The following EXT1 variants were observed in gnomAD, a reference collection of about 807,000 sequenced individuals.
EXT1 encodes exostosin glycosyltransferase 1, also known as exostosin-1.
Under a neutral mutation model 82.5 loss-of-function variants are expected in EXT1, and 20 were observed. The ratio of observed to expected loss-of-function variants is 0.24; its 90% confidence interval spans 0.17 to 0.35. EXT1 has a LOEUF of 0.35. EXT1 is among the 10% of genes least tolerant of loss of function. The pLI, the probability that EXT1 is intolerant of heterozygous loss-of-function variation, is 1.00. For synonymous variants in EXT1, 348 were observed against 350.8 expected (o/e 0.99, Z 0.09); for missense variants, 757 against 936.5 (o/e 0.81, Z 2.50).
chr8:117,864,206 A>G (rs1297443184), intron 1 of EXT1, among the ~76,000 whole-genome samples: 1 of 152,254 alleles, frequency 6.6e-6, no homozygotes, highest in Non-Finnish European at 1.5e-5. Context: ...AAAATTTTTA[A>G]AAAGACTTCA....
chr8:117,936,943 T>C (rs1814176550), intron 1 of EXT1, among the ~76,000 whole-genome samples: 1 of 152,150 alleles, frequency 6.6e-6, no homozygotes, highest in South Asian at 2.1e-4. Context: ...GAATGTCTTC[T>C]AGATGTGGCC....
chr8:117,944,370 G>A (rs1814345510), intron 1 of EXT1, among the ~76,000 whole-genome samples: 1 of 152,172 alleles, frequency 6.6e-6, no homozygotes, highest in African/African-American at 2.4e-5. Flanking sequence ...CTGTACTCCA[G>A]CCTGAGCAAC....
At chr8:118,088,679 C>A (rs901292573) in intron 1 of EXT1, among the ~76,000 whole-genome samples, 48 of 113,464 alleles carry the variant, frequency 4.2e-4, no homozygotes, top group African/African-American at 1.2e-3. Context: ...AATGTGATGC[C>A]TTCTCTTTTT....
intron 1 of EXT1, among the ~76,000 whole-genome samples, chr8:117,994,119 T>C (rs1563623702): frequency 6.6e-6 from 1 of 152,202 alleles, no homozygotes; most frequent in Non-Finnish European, 1.5e-5. Flanking sequence ...TAAATTTAAA[T>C]TTAATTGAAT....
At chr8:117,851,079 C>T (rs1023172797) in intron 1 of EXT1, among the ~76,000 whole-genome samples, 1 of 152,192 alleles carries the variant, frequency 6.6e-6, no homozygotes, top group African/African-American at 2.4e-5. Flanking sequence ...GGGATACTTT[C>T]CTATCTTATG....
chr8:118,110,029 C>A, intron 1 of EXT1, 56 bp downstream of exon 1: 1 of 1,611,950 alleles, frequency 6.2e-7, no homozygotes, highest in Non-Finnish European at 8.5e-7. Flanking sequence ...ACACCTGGAC[C>A]AAGGCCGGCA....
intron 1 of EXT1, among the ~76,000 whole-genome samples, chr8:117,845,827 T>C (rs1256776548): frequency 1.3e-5 from 2 of 152,084 alleles, no homozygotes; most frequent in Non-Finnish European, 2.9e-5. Context: ...AGCTGCACAA[T>C]CTGTAATCTT....
intron 4 of EXT1, among the ~76,000 whole-genome samples, chr8:117,826,806 T>TTAA (rs1812014848): frequency 6.6e-6 from 1 of 150,954 alleles, no homozygotes; most frequent in African/African-American, 2.4e-5. Context: ...ACTGTGTTGC[T>TTAA]AAAAAAAAAT....
chr8:118,089,187 C>T (rs1018736049), intron 1 of EXT1, among the ~76,000 whole-genome samples: 5 of 152,190 alleles, frequency 3.3e-5, no homozygotes, highest in East Asian at 1.9e-4. Flanking sequence ...AGAAAATAAG[C>T]ATTTAAATTA....
In EXT1 at chr8:117,999,934, G is replaced by GTA. The variant is rs147547390; in HGVS notation, c.962+110149_962+110150dup. 5.4e-3 allele frequency among the ~76,000 whole-genome samples: 807 copies of GTA among 148,748 alleles called. 10 individuals carry two copies. Among genetic ancestry groups the GTA allele is most frequent in the East Asian group, 0.042 (215 of 5,114 alleles). ...GATTTTTCACTACTTATTTCTGAGT[G>GTA]TATATATATATATATGTATGTGCGT... is the stretch of plus-strand genomic sequence containing the variant. On this transcript the variant is annotated intron_variant, in intron 1 of 10. Coordinates refer to ENST00000378204, the MANE Select transcript of EXT1 (RefSeq NM_000127.3).
intron 1 of EXT1, among the ~76,000 whole-genome samples, chr8:117,846,559 G>C (rs541869931): frequency 6.6e-6 from 1 of 152,312 alleles, no homozygotes; most frequent in East Asian, 1.9e-4. Context: ...TGGCAGGGAG[G>C]GGGTGCAGGG....
At chr8:117,968,855 CACTGTGCCCAGCCA>C (rs1405721964) in intron 1 of EXT1, among the ~76,000 whole-genome samples, 2 of 64,546 alleles carry the variant, frequency 3.1e-5, no homozygotes, top group African/African-American at 2.6e-4. Context: ...AGGCGTGAGC[CACTGTGCCCAGCCA>C]ATTCTGCCTT....
At chr8:117,865,509 C>A (rs2129876109) in intron 1 of EXT1, among the ~76,000 whole-genome samples, 1 of 152,292 alleles carries the variant, frequency 6.6e-6, no homozygotes, top group East Asian at 1.9e-4. Flanking sequence ...GAAATGACTT[C>A]CTTTTGTCTT....
chr8:117,969,102 C>T (rs1814887782), intron 1 of EXT1, among the ~76,000 whole-genome samples: 1 of 152,134 alleles, frequency 6.6e-6, no homozygotes, highest in Non-Finnish European at 1.5e-5. Context: ...AAAGCGGCCA[C>T]ATTTATTACC....
chr8:117,843,756 A>G (rs1014378206), intron 1 of EXT1, among the ~76,000 whole-genome samples: 1 of 152,146 alleles, frequency 6.6e-6, no homozygotes, highest in African/African-American at 2.4e-5. Flanking sequence ...TAGAGAAGCA[A>G]TTAAGTTTGG....
intron 1 of EXT1, among the ~76,000 whole-genome samples, chr8:118,085,428 T>C (rs556564197): frequency 3.3e-5 from 5 of 152,072 alleles, no homozygotes; most frequent in African/African-American, 1.2e-4. Context: ...TTCCTATAGA[T>C]TTATGGTACC....
At chr8:117,845,185 C>A (rs113303576) in intron 1 of EXT1, among the ~76,000 whole-genome samples, 32 of 152,328 alleles carry the variant, frequency 2.1e-4, no homozygotes, top group South Asian at 2.1e-3. Flanking sequence ...AGGCATGAAA[C>A]CCCTATGGGA....
chr8:117,885,991 T>C (rs1438684095), intron 1 of EXT1, among the ~76,000 whole-genome samples: 1 of 152,210 alleles, frequency 6.6e-6, no homozygotes, highest in South Asian at 2.1e-4. Flanking sequence ...TGGTTTCAAA[T>C]ACCAGTTAAA....
At chr8:118,002,528 CTTTTTTT>C (rs60354141) in intron 1 of EXT1, among the ~76,000 whole-genome samples, 3 of 87,096 alleles carry the variant, frequency 3.4e-5, no homozygotes, top group African/African-American at 1.4e-4. Flanking sequence ...GAATATTTTT[CTTTTTTT>C]TTTTTTTTTT....
Sources: gnomAD v4.1 joint callset for allele counts (sites outside exome capture counted in the v4.1 genomes callset) on GRCh38, gnomAD v4.1.1 for gene constraint, MANE v1.5 for transcripts, NCBI Gene and HGNC (gene_info 2026-07-23, HGNC 2026-07-21) for gene names.